Variants in CELF4 observed in about 807,000 individuals in gnomAD.
CELF4 encodes the protein CUG-BP- and ETR-3-like factor 4.
A neutral mutation model predicts 59.9 loss-of-function variants in CELF4; 18 were observed. The observed-to-expected ratio is 0.30, with a 90% CI of 0.21 to 0.45. The LOEUF is 0.45. CELF4 is among the 20% of genes least tolerant of loss of function. The pLI, the probability that CELF4 is intolerant of heterozygous loss-of-function variation, is 1.00. For synonymous variants in CELF4, 261 were observed against 267.1 expected (o/e 0.98, Z 0.22); for missense variants, 456 against 689.0 (o/e 0.66, Z 3.79).
intron 3 of CELF4, among the ~76,000 whole-genome samples, chr18:37,293,923 A>G (rs1317633984): frequency 6.6e-6 from 1 of 152,138 alleles, no homozygotes; most frequent in Non-Finnish European, 1.5e-5. Flanking sequence ...GGGGTCAGGG[A>G]GGAAGGGATC....
intron 2 of CELF4, among the ~76,000 whole-genome samples, chr18:37,464,377 G>A (rs1354548394): frequency 6.6e-6 from 1 of 152,158 alleles, no homozygotes; most frequent in African/African-American, 2.4e-5. Context: ...CCAGCTCAGG[G>A]CTCTTAAAGA....
At chr18:37,274,124 T>C (rs2092487387) in intron 6 of CELF4, 187 bp downstream of exon 6, 2 of 1,400,724 alleles carry the variant, frequency 1.4e-6, no homozygotes, top group Non-Finnish European at 1.8e-6. Context: ...CCACCCCAAC[T>C]GGGCCAGCCT....
intron 2 of CELF4, among the ~76,000 whole-genome samples, chr18:37,386,502 C>T (rs901106292): frequency 2.0e-5 from 3 of 152,222 alleles, no homozygotes; most frequent in African/African-American, 4.8e-5. Context: ...GAGAGTGAGG[C>T]GGAGAGCCGT....
intron 2 of CELF4, among the ~76,000 whole-genome samples, chr18:37,432,428 A>G (rs1324298123): frequency 6.6e-6 from 1 of 152,240 alleles, no homozygotes; most frequent in Non-Finnish European, 1.5e-5. Context: ...TTAGAGAAAT[A>G]AGAGAACAAC....
chr18:37,550,982 G>A (rs1157733701), intron 1 of CELF4, among the ~76,000 whole-genome samples: 1 of 152,198 alleles, frequency 6.6e-6, no homozygotes, highest in Non-Finnish European at 1.5e-5. Flanking sequence ...TGAAATGATA[G>A]GAAAAGGAGG....
At chr18:37,362,337 G>A (rs1032407672) in intron 2 of CELF4, among the ~76,000 whole-genome samples, 1 of 152,180 alleles carries the variant, frequency 6.6e-6, no homozygotes, top group Non-Finnish European at 1.5e-5. Flanking sequence ...TCAGGGTTGC[G>A]GACGCATCAC....
At chr18:37,358,481 G>A (rs552002447) in intron 2 of CELF4, among the ~76,000 whole-genome samples, 1 of 152,246 alleles carries the variant, frequency 6.6e-6, no homozygotes, top group South Asian at 2.1e-4. Flanking sequence ...GCGTGAAAAC[G>A]GACTAATACA....
At chr18:37,477,254 C>CT (rs1375526008) in intron 2 of CELF4, among the ~76,000 whole-genome samples, 1 of 152,188 alleles carries the variant, frequency 6.6e-6, no homozygotes, top group African/African-American at 2.4e-5. Flanking sequence ...AAGGGCAGTG[C>CT]TGGGTGCTTG....
At chr18:37,301,695 G>C (rs1399700460) in intron 3 of CELF4, among the ~76,000 whole-genome samples, 1 of 152,186 alleles carries the variant, frequency 6.6e-6, no homozygotes, top group East Asian at 1.9e-4. Context: ...GCTCTCTGTT[G>C]GACCCTGCTG....
rs1568650129 is a variant in CELF4, at chr18:37,244,945, T to TTGTG, written c.*293_*296dup. 1 of 152,616 alleles carries TTGTG rather than the reference T, an allele frequency of 6.6e-6. No homozygotes were observed. Among genetic ancestry groups the TTGTG allele is most frequent in the Non-Finnish European group, 1.5e-5 (1 of 68,080 alleles). 9.5% of individuals were successfully genotyped at this position (152,616 alleles called of 1,614,324 possible). ...TGATATTTTGTTTTAAAGTTGCCTT[T>TTGTG]TGTGTGTTTTTTTCTCATTTTTCTT... On this transcript the variant is annotated 3_prime_UTR_variant, in exon 13 of 13. Transcript: ENST00000420428.
rs2061855197 is a variant in CELF4, at chr18:37,245,811, A to G, written c.*45-614T>C. On this transcript the variant is annotated intron_variant, in intron 12 of 12. Coordinates refer to ENST00000420428, the MANE Select transcript of CELF4 (RefSeq NM_020180.4). The surrounding 1 kb of genome is among the most constrained non-coding windows in gnomAD (Gnocchi z 4.1). ...TTCACCTGCACATATGTGGATATACATGGATATGTGTGTATGTATATGCAT... is the reference window on the plus strand; with the variant it reads ...TTCACCTGCACATATGTGGATATACGTGGATATGTGTGTATGTATATGCAT... Among the ~76,000 whole-genome samples, 1 of 152,238 alleles carries G rather than the reference A, an allele frequency of 6.6e-6. No homozygotes were observed. The highest frequency in any genetic ancestry group is 2.4e-5 in the African/African-American group (1 of 41,458).
At chr18:37,462,246 G>C (rs1279880252) in intron 2 of CELF4, among the ~76,000 whole-genome samples, 3 of 152,168 alleles carry the variant, frequency 2.0e-5, no homozygotes, top group Non-Finnish European at 1.5e-5. Context: ...GTCTCGAGCA[G>C]GGAAAAGGAG....
intron 1 of CELF4, among the ~76,000 whole-genome samples, chr18:37,546,548 G>T (rs2099981475): frequency 6.6e-6 from 1 of 152,196 alleles, no homozygotes; most frequent in Admixed American, 6.5e-5. Context: ...AAAGGGTCGG[G>T]CTCTGCCAGA....
intron 4 of CELF4, 89 bp from the exon 5 acceptor site, chr18:37,274,973 C>G: frequency 1.3e-6 from 2 of 1,545,224 alleles, no homozygotes; most frequent in East Asian, 2.3e-5. Context: ...TGAACGCAGA[C>G]GGGTGAGGCA....
intron 1 of CELF4, among the ~76,000 whole-genome samples, chr18:37,531,520 C>G (rs2099969600): frequency 6.6e-6 from 1 of 152,224 alleles, no homozygotes; most frequent in African/African-American, 2.4e-5. Context: ...GCATGCCGAT[C>G]TGCAGCTCTG....
chr18:37,457,596 CA>C (rs1189648979), intron 2 of CELF4, among the ~76,000 whole-genome samples: 4 of 152,154 alleles, frequency 2.6e-5, no homozygotes, highest in African/African-American at 7.2e-5. Context: ...ATTAACTGAG[CA>C]AGGCTTCCTG....
chr18:37,277,171 C>A (rs1245427077), intron 3 of CELF4, among the ~76,000 whole-genome samples: 1 of 152,072 alleles, frequency 6.6e-6, no homozygotes, highest in Non-Finnish European at 1.5e-5. Flanking sequence ...CAGCACTGGG[C>A]CAGTTCTCAA....
intron 2 of CELF4, among the ~76,000 whole-genome samples, chr18:37,415,123 T>C (rs976512453): frequency 4.6e-5 from 7 of 152,186 alleles, no homozygotes; most frequent in African/African-American, 1.4e-4. Context: ...TCAGGCAGGA[T>C]CAGGAAAGGT....
intron 2 of CELF4, among the ~76,000 whole-genome samples, chr18:37,449,733 GGA>G (rs1486936488): frequency 1.3e-5 from 2 of 152,204 alleles, no homozygotes; most frequent in Non-Finnish European, 2.9e-5. Context: ...GAAACTGGAA[GGA>G]AGTGAGAGAG....
Sources: allele counts gnomAD v4.1 joint callset (sites outside exome capture counted in the v4.1 genomes callset), GRCh38; gene constraint gnomAD v4.1.1; non-coding constraint Gnocchi (gnomAD v3.1); transcripts MANE v1.5; gene names NCBI Gene and HGNC (gene_info 2026-07-23, HGNC 2026-07-21).